Variants in PCBP3 observed in about 807,000 individuals in gnomAD.
PCBP3 encodes the protein poly(rC)-binding protein 3.
Under a neutral mutation model 52.7 loss-of-function variants are expected in PCBP3, and 25 were observed. The ratio of observed to expected loss-of-function variants is 0.47; its 90% CI spans 0.35 to 0.66. The LOEUF (loss-of-function observed/expected upper bound fraction) is 0.66, where lower values mean the gene tolerates loss of function less well. PCBP3 is among the 30% of genes least tolerant of loss of function. PCBP3 has a pLI of 0.01. For missense variants in PCBP3, 391 were observed against 490.3 expected (o/e 0.80, Z 1.91); for synonymous variants, 162 against 183.0 (o/e 0.89, Z 0.93).
intron 1 of PCBP3, among the ~76,000 whole-genome samples, chr21:45,666,707 A>G (rs974497665): frequency 1.3e-5 from 2 of 151,374 alleles, no homozygotes; most frequent in African/African-American, 4.8e-5. Flanking sequence ...TCTGGTGAGA[A>G]ATCCGCTATT....
At chr21:45,936,981 G>A (rs548781295) in intron 16 of PCBP3, among the ~76,000 whole-genome samples, 16 of 152,266 alleles carry the variant, frequency 1.1e-4, no homozygotes, top group Admixed American at 2.0e-4. Flanking sequence ...CATGGAAAAG[G>A]CTATTGACGA....
At chr21:45,803,440 G>A (rs189390045) in intron 4 of PCBP3, among the ~76,000 whole-genome samples, 5 of 152,282 alleles carry the variant, frequency 3.3e-5, no homozygotes, top group South Asian at 2.1e-4. Context: ...AAAGGAGGGC[G>A]AGAGCAGAGC....
chr21:45,940,375 C>T (rs532800750), intron 17 of PCBP3, among the ~76,000 whole-genome samples, 176 bp downstream of exon 17: 1 of 152,320 alleles, frequency 6.6e-6, no homozygotes, highest in East Asian at 1.9e-4. Context: ...TGGTGACAGC[C>T]TCCATGTAGA....
At chr21:45,930,375 C>G (rs1365634631) in intron 14 of PCBP3, among the ~76,000 whole-genome samples, 1 of 152,174 alleles carries the variant, frequency 6.6e-6, no homozygotes, top group Non-Finnish European at 1.5e-5. Flanking sequence ...TCTCCAGGAG[C>G]AAGAGCACAG....
chr21:45,876,611 C>A lies in PCBP3; in HGVS notation c.11-19597C>A, dbSNP rs190508780. On this transcript the variant is annotated intron_variant, in intron 5 of 17. Transcript: ENST00000681687. ...CATGAAATTCCAGAAGCCTCCCCTG[C>A]CCTGGGTAGCCTCAGGGACATGAAG... 1.2e-3 allele frequency among the ~76,000 whole-genome samples: 186 copies of A among 152,320 alleles called. 1 individual carries two copies. Among genetic ancestry groups the A allele is most frequent in the Middle Eastern group, 3.4e-3 (1 of 294 alleles).
At chr21:45,698,534 C>T (rs2082923580) in intron 2 of PCBP3, among the ~76,000 whole-genome samples, 4 of 152,212 alleles carry the variant, frequency 2.6e-5, no homozygotes, top group Admixed American at 2.6e-4. Context: ...AAGCAAGGAC[C>T]AGCATGTGAC....
At chr21:45,869,826 C>G (rs781211150) in intron 5 of PCBP3, among the ~76,000 whole-genome samples, 4 of 152,256 alleles carry the variant, frequency 2.6e-5, no homozygotes, top group African/African-American at 4.8e-5. Flanking sequence ...GATCACAGAG[C>G]TGCGTATGCA....
chr21:45,914,314 A>C (rs1417132644), intron 12 of PCBP3: 3 of 518,646 alleles, frequency 5.8e-6, no homozygotes, highest in Admixed American at 7.9e-5. Flanking sequence ...GGGTGTTTTT[A>C]GGAAGCTTAG....
intron 2 of PCBP3, among the ~76,000 whole-genome samples, chr21:45,721,428 A>G (rs1414480084): frequency 6.6e-6 from 1 of 151,752 alleles, no homozygotes; most frequent in Non-Finnish European, 1.5e-5. Context: ...AAAAAAAAAA[A>G]AAACAACTCT....
chr21:45,905,246 G>T (rs1007502191), intron 9 of PCBP3, among the ~76,000 whole-genome samples: 1 of 152,128 alleles, frequency 6.6e-6, no homozygotes. Context: ...CTCCTCCAAC[G>T]ACCGCATCTC....
At chr21:45,900,933 G>A in intron 8 of PCBP3, 64 bp from the exon 9 acceptor site, 1 of 1,156,220 alleles carries the variant, frequency 8.6e-7, no homozygotes, top group Non-Finnish European at 1.3e-6. Context: ...CGGACTTGCG[G>A]CCCCCGACCC....
At chr21:45,881,261 A>G (rs1343331876) in intron 5 of PCBP3, among the ~76,000 whole-genome samples, 1 of 152,232 alleles carries the variant, frequency 6.6e-6, no homozygotes, top group East Asian at 1.9e-4. Context: ...TCACAGGAAG[A>G]ATGGTTATAG....
At chr21:45,700,550 TC>T (rs1569130626) in intron 2 of PCBP3, among the ~76,000 whole-genome samples, 2 of 152,150 alleles carry the variant, frequency 1.3e-5, no homozygotes, top group African/African-American at 4.8e-5. Context: ...CAGGGACAGT[TC>T]CTTCTGCAAG....
chr21:45,823,293 G>A (rs1016087144), intron 4 of PCBP3, among the ~76,000 whole-genome samples: 2 of 152,264 alleles, frequency 1.3e-5, no homozygotes, highest in Admixed American at 1.3e-4. Flanking sequence ...GCTGTGCCAG[G>A]AACACAGGGT....
chr21:45,900,026 G>T (rs2095984339), intron 7 of PCBP3, among the ~76,000 whole-genome samples: 1 of 152,168 alleles, frequency 6.6e-6, no homozygotes, highest in South Asian at 2.1e-4. Context: ...ATCAGGGCTG[G>T]CCCGGGGGAA....
intron 5 of PCBP3, among the ~76,000 whole-genome samples, chr21:45,851,970 A>G (rs2094025131): frequency 6.6e-6 from 1 of 152,224 alleles, no homozygotes; most frequent in African/African-American, 2.4e-5. Flanking sequence ...GAGGCTAGGA[A>G]GAAGAGAGGC....
At chr21:45,910,801 G>A (rs1387705438) in intron 10 of PCBP3, 101 bp from the exon 11 acceptor site, 1 of 1,213,802 alleles carries the variant, frequency 8.2e-7, no homozygotes, top group Admixed American at 2.2e-5. Context: ...AGGTTTCCAA[G>A]GAAGTGTCCC....
intron 2 of PCBP3, among the ~76,000 whole-genome samples, chr21:45,672,677 G>A (rs934052001): frequency 2.0e-5 from 3 of 152,120 alleles, no homozygotes; most frequent in African/African-American, 7.2e-5. Context: ...CAATAGTCAT[G>A]GGTGTGGGTG....
At chr21:45,839,833 C>T (rs2093662202) in intron 4 of PCBP3, among the ~76,000 whole-genome samples, 1 of 151,896 alleles carries the variant, frequency 6.6e-6, no homozygotes, top group Admixed American at 6.6e-5. Context: ...ATTGCAGGCG[C>T]CCGCCACCAC....
Sources: allele counts gnomAD v4.1 joint callset (sites outside exome capture counted in the v4.1 genomes callset), GRCh38; gene constraint gnomAD v4.1.1; transcripts MANE v1.5; gene names NCBI Gene and HGNC (gene_info 2026-07-23, HGNC 2026-07-21).